ARL15: variants seen among roughly 807,000 people sequenced by gnomAD.
ARL15 encodes the protein ADP-ribosylation factor-like protein 15.
Under a neutral mutation model 25.2 loss-of-function variants are expected in ARL15, and 19 were observed. That is an observed-to-expected ratio of 0.75 (90% CI 0.53 to 1.10). The LOEUF is 1.10. Ranked by LOEUF, ARL15 falls within the 50% of genes least tolerant of loss-of-function variation. ARL15 has a pLI of 0.00. For missense variants in ARL15, 220 were observed against 246.0 expected (o/e 0.89, Z 0.71); for synonymous variants, 94 against 86.8 (o/e 1.08, Z -0.46).
At chr5:54,276,545 A>G (rs575254849) in intron 1 of ARL15, among the ~76,000 whole-genome samples, 2 of 152,348 alleles carry the variant, frequency 1.3e-5, no homozygotes, top group African/African-American at 4.8e-5. Context: ...AGATCGTACT[A>G]AGGTGCTTAT....
At chr5:54,028,937 G>A (rs1472326927) in intron 4 of ARL15, among the ~76,000 whole-genome samples, 2 of 152,074 alleles carry the variant, frequency 1.3e-5, no homozygotes, top group South Asian at 2.1e-4. Flanking sequence ...TGGGAGGATG[G>A]CCTTAGCCTA....
chr5:54,226,640 CT>C (rs1447866798), intron 1 of ARL15, among the ~76,000 whole-genome samples: 34 of 142,676 alleles, frequency 2.4e-4, no homozygotes, highest in African/African-American at 8.5e-4. Context: ...GAAATAATGC[CT>C]TGCTTTTAGT....
At chr5:54,110,835 A>T (rs992515934) in intron 4 of ARL15, among the ~76,000 whole-genome samples, 7 of 152,102 alleles carry the variant, frequency 4.6e-5, no homozygotes, top group Non-Finnish European at 1.0e-4. Flanking sequence ...CAAAATGTTT[A>T]AGATTCAATT....
intron 1 of ARL15, among the ~76,000 whole-genome samples, chr5:54,269,281 C>T (rs75842466): frequency 0.032 from 4,849 of 152,078 alleles, 149 homozygotes; most frequent in African/African-American, 0.08. Context: ...CATATATCCT[C>T]TTTTAATTTT....
chr5:54,189,971 T>C (rs1290629153), intron 1 of ARL15, among the ~76,000 whole-genome samples: 2 of 151,868 alleles, frequency 1.3e-5, no homozygotes, highest in African/African-American at 4.8e-5. Context: ...AACTGAACAA[T>C]AAAAAAACTG....
At chr5:53,984,936 T>C (rs1748240829) in intron 4 of ARL15, among the ~76,000 whole-genome samples, 1 of 152,182 alleles carries the variant, frequency 6.6e-6, no homozygotes, top group Non-Finnish European at 1.5e-5. Flanking sequence ...CCTGCCAATT[T>C]ACCCTCACAT....
chr5:54,046,465 A>C (rs1416319897), intron 4 of ARL15, among the ~76,000 whole-genome samples: 1 of 152,244 alleles, frequency 6.6e-6, no homozygotes, highest in Non-Finnish European at 1.5e-5. Flanking sequence ...TGGGCACGAG[A>C]GCGAGACTCT....
At chr5:53,978,642 GAAAA>G (rs1428775763) in intron 4 of ARL15, among the ~76,000 whole-genome samples, 1 of 108,680 alleles carries the variant, frequency 9.2e-6, no homozygotes, top group African/African-American at 3.1e-5. Context: ...AAAAAGAAAA[GAAAA>G]GAAAGAAATA....
At chr5:54,095,911 G>GT (rs1752270889) in intron 4 of ARL15, among the ~76,000 whole-genome samples, 1 of 151,998 alleles carries the variant, frequency 6.6e-6, no homozygotes, top group African/African-American at 2.4e-5. Flanking sequence ...ATAATAAAAT[G>GT]TTTTTGTTAT....
At chr5:54,049,924 T>C (rs1750654577) in intron 4 of ARL15, among the ~76,000 whole-genome samples, 2 of 152,124 alleles carry the variant, frequency 1.3e-5, no homozygotes, top group South Asian at 4.1e-4. Context: ...CAACTTGTTT[T>C]CAATAAGAAC....
chr5:54,150,779 C>T (rs909946240), intron 3 of ARL15, among the ~76,000 whole-genome samples: 15 of 148,448 alleles, frequency 1.0e-4, no homozygotes, highest in African/African-American at 3.0e-4. Context: ...TCCTGGGCAA[C>T]GGAGCAAGAC....
intron 4 of ARL15, among the ~76,000 whole-genome samples, chr5:54,012,178 T>C (rs1378329133): frequency 6.6e-6 from 1 of 152,234 alleles, no homozygotes. Context: ...AAAATCCTTT[T>C]ATAGCCTTGT....
chr5:53,955,891 C>G (rs889470713), intron 4 of ARL15, among the ~76,000 whole-genome samples: 2 of 152,100 alleles, frequency 1.3e-5, no homozygotes, highest in Non-Finnish European at 2.9e-5. Flanking sequence ...TAACTCAAAA[C>G]ACATTCGAGG....
In ARL15 at chr5:54,241,151, C is replaced by A. The variant is rs150370858; in HGVS notation, c.49-69223G>T. On this transcript the variant is annotated intron_variant, in intron 1 of 4. Coordinates refer to ENST00000504924, the MANE Select transcript of ARL15 (RefSeq NM_019087.3). Reference sequence around the variant, plus strand: ...TCTTAACTATTTTACTAAAAATAAGCCTGCCTATGTTTATACCGTTCTGTC... The same window carrying A: ...TCTTAACTATTTTACTAAAAATAAGACTGCCTATGTTTATACCGTTCTGTC... Among the ~76,000 whole-genome samples, 554 of 152,090 alleles carry A rather than the reference C, an allele frequency of 3.6e-3. 3 individuals carry two copies. The highest frequency in any genetic ancestry group is 0.013 in the African/African-American group (537 of 41,504).
intron 4 of ARL15, among the ~76,000 whole-genome samples, chr5:53,918,614 A>G (rs1301807766): frequency 6.6e-6 from 1 of 152,200 alleles, no homozygotes; most frequent in Non-Finnish European, 1.5e-5. Flanking sequence ...AAAGCTTCTC[A>G]AACTCAGCAG....
chr5:53,925,595 G>T (rs1281439541), intron 4 of ARL15, among the ~76,000 whole-genome samples: 1 of 152,172 alleles, frequency 6.6e-6, no homozygotes, highest in Non-Finnish European at 1.5e-5. Flanking sequence ...TTGAGGTCAG[G>T]AGTTCGAGAC....
rs935020206 is a variant in ARL15, at chr5:54,073,887, C to T, written c.462+39315G>A. ...ACTCCTCTTGACTATTATGCTGCTT[C>T]CTAGTTTTTCTAGCATTCCAAGCTT... On this transcript the variant is annotated intron_variant, in intron 4 of 4. Coordinates refer to ENST00000504924, the MANE Select transcript of ARL15 (RefSeq NM_019087.3). Among the ~76,000 whole-genome samples the T allele has an allele frequency of 1.3e-5, 2 of 152,168 alleles. 1 individual carries two copies. The highest frequency in any genetic ancestry group is 1.3e-4 in the Admixed American group (2 of 15,268).
At chr5:53,887,355 T>C in intron 4 of ARL15, 1 of 689,352 alleles carries the variant, frequency 1.5e-6, no homozygotes, top group Non-Finnish European at 2.6e-6. Context: ...ATCTTCTACC[T>C]TTTTTTTTCT....
chr5:54,246,380 C>T (rs1757086579), intron 1 of ARL15, among the ~76,000 whole-genome samples: 1 of 152,080 alleles, frequency 6.6e-6, no homozygotes, highest in Non-Finnish European at 1.5e-5. Context: ...TCTGTAGCCC[C>T]GACCTATCCC....
Sources: gnomAD v4.1 joint callset for allele counts (sites outside exome capture counted in the v4.1 genomes callset) on GRCh38, gnomAD v4.1.1 for gene constraint, MANE v1.5 for transcripts, NCBI Gene and HGNC (gene_info 2026-07-23, HGNC 2026-07-21) for gene names.